GANC: variants seen among roughly 807,000 people sequenced by gnomAD.
The protein encoded by GANC is neutral alpha-glucosidase C.
Under a neutral mutation model 124.2 loss-of-function variants are expected in GANC, and 117 were observed. The observed-to-expected ratio is 0.94, with a 90% CI of 0.81 to 1.10. GANC has a LOEUF of 1.10. Among genes scored for constraint, GANC ranks in the 50% least tolerant of loss-of-function variants. The probability of loss-of-function intolerance (pLI) is 0.00; values close to 1 mark genes in which losing one functional copy is unlikely to be tolerated. For missense variants in GANC, 1,140 were observed against 1,095.0 expected, an observed-to-expected ratio of 1.04 and a Z score of -0.58; for synonymous variants, 377 against 376.8, an observed-to-expected ratio of 1.00 and a Z score of -0.01.
intron 6 of GANC, among the ~76,000 whole-genome samples, chr15:42,299,056 C>T (rs186155636): frequency 2.6e-5 from 4 of 152,180 alleles, no homozygotes; most frequent in Admixed American, 2.0e-4. Context: ...CTCTTTATTT[C>T]TTCCTCTTGC....
At chr15:42,351,885 GA>G (rs2052443721) in intron 23 of GANC, 144 bp from the exon 24 acceptor site, 5 of 1,013,900 alleles carry the variant, frequency 4.9e-6, no homozygotes, top group Non-Finnish European at 7.0e-6. Flanking sequence ...AAACTTCATG[GA>G]AGTTCATGGG....
intron 5 of GANC, among the ~76,000 whole-genome samples, chr15:42,294,535 A>G (rs372512409): frequency 5.0e-5 from 7 of 141,358 alleles, no homozygotes; most frequent in African/African-American, 1.9e-4. Flanking sequence ...AGATCATACC[A>G]TTGCACTCCA....
At chr15:42,315,016 T>C (rs1030519261) in intron 10 of GANC, among the ~76,000 whole-genome samples, 1 of 152,168 alleles carries the variant, frequency 6.6e-6, no homozygotes, top group African/African-American at 2.4e-5. Flanking sequence ...CTCCAACTAT[T>C]AGGTAATCAA....
At chr15:42,287,244 C>T (rs1272663646) in intron 3 of GANC, among the ~76,000 whole-genome samples, 1 of 152,196 alleles carries the variant, frequency 6.6e-6, no homozygotes, top group Non-Finnish European at 1.5e-5. Context: ...ACTGTTTTCT[C>T]TTCTGTAGCC....
At chr15:42,330,812 G>C (rs1595780645) in intron 15 of GANC, 140 bp downstream of exon 15, 1 of 586,334 alleles carries the variant, frequency 1.7e-6, no homozygotes, top group Non-Finnish European at 2.8e-6. Context: ...GTTTGAAACA[G>C]AGTCTCGCTT....
intron 22 of GANC, among the ~76,000 whole-genome samples, chr15:42,350,100 G>A (rs150113456): frequency 0.11 from 14,146 of 129,500 alleles, 797 homozygotes; most frequent in South Asian, 0.21. Flanking sequence ...GCACAATCTC[G>A]GCTCACCGCA....
intron 6 of GANC, among the ~76,000 whole-genome samples, chr15:42,302,787 T>G (rs1383836169): frequency 6.7e-6 from 1 of 150,248 alleles, no homozygotes; most frequent in Non-Finnish European, 1.5e-5. Flanking sequence ...GAATAAAGAG[T>G]GAAGACAAGA....
Position 42,273,439 on chromosome 15 carries a change from C to G in GANC, c.-1043C>G. Reference sequence around the variant, plus strand: ...GTGCCTACCGAAAGCATTTCACCCTCTTCCGGTTCGTCCCGCCTTCTTCCG... The same window carrying G: ...GTGCCTACCGAAAGCATTTCACCCTGTTCCGGTTCGTCCCGCCTTCTTCCG... On this transcript the variant is annotated 5_prime_UTR_variant, in exon 1 of 24. Coordinates refer to ENST00000318010, the MANE Select transcript of GANC (RefSeq NM_198141.3). The G allele has an allele frequency of 6.2e-7, 1 of 1,610,668 alleles. No homozygotes were observed. The highest frequency in any genetic ancestry group is 8.5e-7 in the Non-Finnish European group (1 of 1,178,588).
chr15:42,330,987 C>T (rs2052240601), intron 15 of GANC, among the ~76,000 whole-genome samples: 1 of 151,876 alleles, frequency 6.6e-6, no homozygotes, highest in African/African-American at 2.4e-5. Flanking sequence ...TTGGTAGAGA[C>T]AGGGTTTCAC....
In GANC at chr15:42,327,396, A is replaced by G. The variant is rs745418047; in HGVS notation, c.1454A>G (p.Lys485Arg). 2.5e-6 allele frequency: 4 copies of G among 1,613,388 alleles called. No individual in the cohort carries two copies. Among genetic ancestry groups the G allele is most frequent in the Non-Finnish European group, 3.4e-6 (4 of 1,179,588 alleles). ...TCTTACCTGGATTTCACCAATCCCA[A>G]GGTCAGAGAGTGGTATTCAAGTCTT... ...LSSYLDFTNP[K>R]VREWYSSLFA... Residue 485 changes from lysine (K) to arginine (R), a missense_variant, in exon 13 of 24, where the codon AAG (lysine) becomes AGG (arginine). Coordinates refer to ENST00000318010, the MANE Select transcript of GANC (RefSeq NM_198141.3).
chr15:42,316,121 A>T (rs1342429266), intron 10 of GANC, among the ~76,000 whole-genome samples: 4 of 152,140 alleles, frequency 2.6e-5, no homozygotes, highest in African/African-American at 9.7e-5. Flanking sequence ...TATATGCACA[A>T]GGGAATTGAA....
In GANC at chr15:42,353,330, C is replaced by T; in HGVS notation, c.*1191C>T. ...CTTCTGATCCCTGGGCGCCAATATC[C>T]TCCTGCCCTTACCATCCTTCCAGGC... On this transcript the variant is annotated 3_prime_UTR_variant, in exon 24 of 24. Coordinates refer to ENST00000318010, the MANE Select transcript of GANC (RefSeq NM_198141.3). 1.0e-6 allele frequency: 1 copy of T among 986,318 alleles called. No homozygotes were observed. The highest frequency in any genetic ancestry group is 1.2e-6 in the Non-Finnish European group (1 of 830,242). The allele number at this position is 986,318 out of a possible 1,614,324, so 61.1% of individuals were successfully genotyped here. A position where few individuals can be genotyped will look rare whatever the true frequency, so the allele number is the denominator to read the frequency against.
At chr15:42,321,098 G>A (rs933989089) in intron 10 of GANC, among the ~76,000 whole-genome samples, 7 of 152,184 alleles carry the variant, frequency 4.6e-5, no homozygotes, top group African/African-American at 1.7e-4. Flanking sequence ...TAAACATTTT[G>A]ATAATAATTT....
At chr15:42,298,949 G>A (rs903936021) in intron 6 of GANC, among the ~76,000 whole-genome samples, 5 of 152,154 alleles carry the variant, frequency 3.3e-5, no homozygotes, top group Non-Finnish European at 5.9e-5. Flanking sequence ...ATCAGTTTAA[G>A]GATTTTTTTG....
intron 10 of GANC, chr15:42,314,096 G>C (rs767262787): frequency 1.4e-6 from 1 of 727,968 alleles, no homozygotes; most frequent in Non-Finnish European, 2.5e-6. Flanking sequence ...GAGAAAAATA[G>C]CTCTCAGTCT....
At chr15:42,315,049 G>A (rs1218989078) in intron 10 of GANC, among the ~76,000 whole-genome samples, 1 of 152,120 alleles carries the variant, frequency 6.6e-6, no homozygotes, top group Non-Finnish European at 1.5e-5. Context: ...GTCTGTCAAA[G>A]GCACGTACTC....
chr15:42,342,431 AAT>A (rs1343778950), intron 18 of GANC, among the ~76,000 whole-genome samples: 1 of 152,026 alleles, frequency 6.6e-6, no homozygotes, highest in African/African-American at 2.4e-5. Context: ...AAAATTTAAA[AAT>A]TAGCTGGGCA....
At chr15:42,309,277 T>C (rs1194823575) in intron 8 of GANC, among the ~76,000 whole-genome samples, 1 of 151,944 alleles carries the variant, frequency 6.6e-6, no homozygotes, top group Non-Finnish European at 1.5e-5. Flanking sequence ...CCAATTCAGT[T>C]CCCCATCTTC....
chr15:42,348,979 G>A lies in GANC; in HGVS notation c.2419-404G>A, dbSNP rs533586899. On this transcript the variant is annotated intron_variant, in intron 21 of 23. Coordinates refer to ENST00000318010, the MANE Select transcript of GANC (RefSeq NM_198141.3). The stretch of plus-strand genomic sequence containing the variant: ...AAAATAAATTTAAAAAAAGGAAGCA[G>A]ATACCATTCTCTGAGTGGAGGGTCT... Among the ~76,000 whole-genome samples, 3 of 152,300 alleles carry A rather than the reference G, an allele frequency of 2.0e-5. No homozygotes were observed. The South Asian group carries it at 6.2e-4, about 32-fold the overall frequency.
Sources: allele counts gnomAD v4.1 joint callset (sites outside exome capture counted in the v4.1 genomes callset), GRCh38; gene constraint gnomAD v4.1.1; transcripts MANE v1.5; gene names NCBI Gene and HGNC (gene_info 2026-07-23, HGNC 2026-07-21).